DTNBP1: variants seen among roughly 807,000 people sequenced by gnomAD.
DTNBP1 encodes dystrobrevin binding protein 1.
DTNBP1 carries 35 observed loss-of-function variants against 42.8 expected under a neutral mutation model. The observed-to-expected ratio is 0.82, with a 90% CI of 0.63 to 1.09. DTNBP1 has a LOEUF of 1.09. Among genes scored for constraint, DTNBP1 ranks in the 50% least tolerant of loss-of-function variants. The pLI, the probability that DTNBP1 is intolerant of heterozygous loss-of-function variation, is 0.00. For missense variants in DTNBP1, 457 were observed against 424.2 expected, an observed-to-expected ratio of 1.08 and a Z score of -0.68; for synonymous variants, 171 against 162.2, an observed-to-expected ratio of 1.05 and a Z score of -0.41.
At chr6:15,586,009 G>A (rs1477469783) in intron 7 of DTNBP1, 16 of 1,259,870 alleles carry the variant, frequency 1.3e-5, no homozygotes, top group Middle Eastern at 6.1e-4. Context: ...GGGCTCTAGT[G>A]TGCAAAGATG....
At chr6:15,572,553 T>C (rs1439929276) in intron 7 of DTNBP1, among the ~76,000 whole-genome samples, 3 of 152,246 alleles carry the variant, frequency 2.0e-5, no homozygotes, top group African/African-American at 7.2e-5. Context: ...CACTTCTACG[T>C]AAATACCAGG....
intron 7 of DTNBP1, among the ~76,000 whole-genome samples, chr6:15,569,981 C>G (rs1775271798): frequency 6.6e-6 from 1 of 152,104 alleles, no homozygotes; most frequent in African/African-American, 2.4e-5. Context: ...TCCCTTCTCC[C>G]TCCCTCTCAC....
At chr6:15,597,286 G>A (rs1334193343) in intron 6 of DTNBP1, among the ~76,000 whole-genome samples, 2 of 152,164 alleles carry the variant, frequency 1.3e-5, no homozygotes, top group African/African-American at 4.8e-5. Flanking sequence ...ATACACTTAG[G>A]TTTGGTAGGA....
intron 7 of DTNBP1, among the ~76,000 whole-genome samples, chr6:15,588,813 C>G (rs2113611153): frequency 6.6e-6 from 1 of 152,302 alleles, no homozygotes; most frequent in South Asian, 2.1e-4. Flanking sequence ...TTTCCTCTTC[C>G]TGGAATGTCT....
intron 7 of DTNBP1, among the ~76,000 whole-genome samples, chr6:15,589,267 T>C (rs771600079): frequency 3.9e-5 from 6 of 152,338 alleles, no homozygotes; most frequent in Non-Finnish European, 5.9e-5. Context: ...GTGCCTTCTA[T>C]TTTTACTCAA....
chr6:15,624,192 C>A (rs1278658878), intron 5 of DTNBP1, among the ~76,000 whole-genome samples: 1 of 152,206 alleles, frequency 6.6e-6, no homozygotes, highest in Non-Finnish European at 1.5e-5. Flanking sequence ...GTATGCTCAT[C>A]GTCATTTTGC....
chr6:15,608,991 T>C (rs1167472012), intron 6 of DTNBP1, among the ~76,000 whole-genome samples: 1 of 152,206 alleles, frequency 6.6e-6, no homozygotes, highest in African/African-American at 2.4e-5. Flanking sequence ...CTTATGTTAT[T>C]TCCTCAATAA....
In DTNBP1 at chr6:15,609,161, C is replaced by T. The variant is rs538651834; in HGVS notation, c.488+6106G>A. Among the ~76,000 whole-genome samples, 72 of 148,944 alleles carry T rather than the reference C, an allele frequency of 4.8e-4. 1 individual carries two copies. The highest frequency in any genetic ancestry group is 4.5e-3 in the Admixed American group (66 of 14,764). On this transcript the variant is annotated intron_variant, in intron 6 of 9. Coordinates refer to ENST00000344537, the MANE Select transcript of DTNBP1 (RefSeq NM_032122.5). The stretch of plus-strand genomic sequence containing the variant: ...CTTCAGGTGAAATTTTCTACTTTTG[C>T]TACCTTCTTTTTTTTTTTTTAATAC...
intron 1 of DTNBP1, among the ~76,000 whole-genome samples, chr6:15,655,301 C>A (rs1761219747): frequency 6.6e-6 from 1 of 151,914 alleles, no homozygotes; most frequent in African/African-American, 2.4e-5. Context: ...TTTAAAAACC[C>A]TTTGTAGAGA....
intron 7 of DTNBP1, among the ~76,000 whole-genome samples, chr6:15,562,152 G>A (rs555715830): frequency 3.7e-4 from 56 of 152,304 alleles, no homozygotes; most frequent in Middle Eastern, 3.4e-3. Flanking sequence ...TATGTCTATG[G>A]TGTAGCCATT....
chr6:15,637,157 A>C (rs1229877345), intron 4 of DTNBP1, among the ~76,000 whole-genome samples: 1 of 152,216 alleles, frequency 6.6e-6, no homozygotes, highest in African/African-American at 2.4e-5. Context: ...TCATTTCAGA[A>C]AAAAATAAGG....
chr6:15,562,230 C>T (rs981890277), intron 7 of DTNBP1, among the ~76,000 whole-genome samples: 6 of 152,314 alleles, frequency 3.9e-5, no homozygotes, highest in Admixed American at 2.0e-4. Flanking sequence ...TGAATTCTTT[C>T]TTGCACAAGA....
At chr6:15,580,894 TTTTA>T (rs1474283584) in intron 7 of DTNBP1, among the ~76,000 whole-genome samples, 1 of 152,140 alleles carries the variant, frequency 6.6e-6, no homozygotes, top group Admixed American at 6.5e-5. Context: ...CAAACACCAT[TTTTA>T]TATGGGGTAT....
intron 7 of DTNBP1, among the ~76,000 whole-genome samples, chr6:15,581,486 T>TTG (rs1554164785): frequency 6.9e-6 from 1 of 145,528 alleles, no homozygotes; most frequent in African/African-American, 2.6e-5. Flanking sequence ...CTGTTTTTTT[T>TTG]TTTTTTTTTT....
At chr6:15,579,533 C>T (rs750435088) in intron 7 of DTNBP1, among the ~76,000 whole-genome samples, 2 of 152,170 alleles carry the variant, frequency 1.3e-5, no homozygotes, top group Non-Finnish European at 2.9e-5. Flanking sequence ...TGGCCAGGTA[C>T]GGTGGCTGAC....
At chr6:15,634,626 T>C (rs1229941495) in intron 4 of DTNBP1, among the ~76,000 whole-genome samples, 1 of 151,870 alleles carries the variant, frequency 6.6e-6, no homozygotes, top group Non-Finnish European at 1.5e-5. Flanking sequence ...CCACTTTCTA[T>C]TTTTTTTGTA....
chr6:15,611,455 T>A (rs546016732), intron 6 of DTNBP1, among the ~76,000 whole-genome samples: 1 of 152,346 alleles, frequency 6.6e-6, no homozygotes, highest in Admixed American at 6.5e-5. Context: ...CAACACTGAT[T>A]CTGCAGCCTA....
intron 3 of DTNBP1, among the ~76,000 whole-genome samples, chr6:15,639,482 C>A (rs1265716033): frequency 5.3e-5 from 8 of 152,134 alleles, no homozygotes; most frequent in African/African-American, 1.9e-4. Flanking sequence ...AATTTTTCTA[C>A]TGAATTTAAG....
intron 5 of DTNBP1, among the ~76,000 whole-genome samples, chr6:15,626,895 C>T (rs1759381044): frequency 6.6e-6 from 1 of 152,108 alleles, no homozygotes; most frequent in Non-Finnish European, 1.5e-5. Context: ...CAAGTACCCT[C>T]ATTTAACCAG....
Sources: gnomAD v4.1 joint callset for allele counts (sites outside exome capture counted in the v4.1 genomes callset) on GRCh38, gnomAD v4.1.1 for gene constraint, MANE v1.5 for transcripts, NCBI Gene and HGNC (gene_info 2026-07-23, HGNC 2026-07-21) for gene names.